The following ARID1B variants were observed in gnomAD, a reference collection of about 807,000 sequenced individuals.
ARID1B encodes AT-rich interactive domain-containing protein 1B.
In ARID1B, 30 loss-of-function variants were observed where a neutral mutation model predicts 212.3. That is an observed-to-expected ratio of 0.14 (90% CI 0.11 to 0.19). The LOEUF (loss-of-function observed/expected upper bound fraction) is 0.19, where lower values mean the gene tolerates loss of function less well. Ranked by LOEUF, ARID1B falls within the 10% of genes least tolerant of loss-of-function variation. The pLI, the probability that ARID1B is intolerant of heterozygous loss-of-function variation, is 1.00. For missense variants in ARID1B, 2,891 were observed against 3,204.0 expected (o/e 0.90, Z 2.36); for synonymous variants, 1,402 against 1,301.7 (o/e 1.08, Z -1.66).
intron 7 of ARID1B, among the ~76,000 whole-genome samples, chr6:157,141,881 C>T (rs1381511131): frequency 1.3e-5 from 2 of 152,122 alleles, no homozygotes; most frequent in Non-Finnish European, 2.9e-5. Context: ...CTTATAAACA[C>T]GTACTTACCA....
At chr6:157,143,905 C>G (rs1480993631) in intron 7 of ARID1B, among the ~76,000 whole-genome samples, 1 of 152,172 alleles carries the variant, frequency 6.6e-6, no homozygotes, top group Non-Finnish European at 1.5e-5. Context: ...GGAATCAACC[C>G]AACTGATTGG....
chr6:156,899,661 A>AG (rs1253657682), intron 2 of ARID1B, among the ~76,000 whole-genome samples: 4 of 152,170 alleles, frequency 2.6e-5, no homozygotes, highest in Non-Finnish European at 4.4e-5. Context: ...GTAGTAAAAA[A>AG]TTCTAGTCAG....
intron 6 of ARID1B, among the ~76,000 whole-genome samples, chr6:157,130,841 T>C (rs551630583): frequency 6.6e-6 from 1 of 152,358 alleles, no homozygotes; most frequent in South Asian, 2.1e-4. Flanking sequence ...CGTCTCCAGC[T>C]AGAGCCTTCA....
chr6:156,872,967 G>A (rs1159901757), intron 2 of ARID1B, among the ~76,000 whole-genome samples: 1 of 152,138 alleles, frequency 6.6e-6, no homozygotes, highest in African/African-American at 2.4e-5. Flanking sequence ...TACTCCGTGT[G>A]CTGAAGACCC....
chr6:157,163,534 G>A (rs907074353), intron 8 of ARID1B, among the ~76,000 whole-genome samples: 2 of 152,198 alleles, frequency 1.3e-5, no homozygotes, highest in African/African-American at 4.8e-5. Flanking sequence ...CTCTGCAATG[G>A]TGAAAGACTG....
chr6:156,876,713 T>A (rs1479945155), intron 2 of ARID1B, among the ~76,000 whole-genome samples: 2 of 152,208 alleles, frequency 1.3e-5, no homozygotes, highest in Non-Finnish European at 2.9e-5. Flanking sequence ...TTACCCAAGT[T>A]GAGGCTGTTG....
chr6:157,150,327 CAAT>C (rs1214088219), intron 8 of ARID1B: 1 of 152,106 alleles, frequency 6.6e-6, no homozygotes, highest in Non-Finnish European at 1.5e-5. Flanking sequence ...CTGTAGCAAT[CAAT>C]ATATAAATAC....
intron 2 of ARID1B, among the ~76,000 whole-genome samples, chr6:156,848,934 A>G (rs1219773519): frequency 6.6e-6 from 1 of 152,204 alleles, no homozygotes; most frequent in African/African-American, 2.4e-5. Context: ...AACCAAGGAG[A>G]CAACTTTGAG....
intron 8 of ARID1B, chr6:157,151,251 T>G (rs1349882028): frequency 6.6e-6 from 1 of 152,162 alleles, no homozygotes; most frequent in Non-Finnish European, 1.5e-5. Flanking sequence ...TGCAGCGCTG[T>G]TCTCATGACT....
chr6:156,925,886 A>T (rs1791180379), intron 3 of ARID1B, among the ~76,000 whole-genome samples: 1 of 152,224 alleles, frequency 6.6e-6, no homozygotes, highest in Non-Finnish European at 1.5e-5. Context: ...AGCCTGAGAT[A>T]GACAAGCAGG....
intron 13 of ARID1B, among the ~76,000 whole-genome samples, chr6:157,188,555 A>G (rs1470849364): frequency 6.6e-6 from 1 of 152,184 alleles, no homozygotes; most frequent in Non-Finnish European, 1.5e-5. Flanking sequence ...CGTCATAGGA[A>G]AGGCATTCTA....
chr6:157,044,194 G>C (rs891566229), intron 4 of ARID1B, among the ~76,000 whole-genome samples: 4 of 151,890 alleles, frequency 2.6e-5, no homozygotes, highest in African/African-American at 7.3e-5. Flanking sequence ...TTTGACCTAA[G>C]GAAATTATAA....
chr6:156,984,322 T>C (rs1228824323), intron 4 of ARID1B, among the ~76,000 whole-genome samples: 1 of 152,190 alleles, frequency 6.6e-6, no homozygotes, highest in Non-Finnish European at 1.5e-5. Context: ...TCTTCACATT[T>C]CTACCTAGAT....
chr6:156,787,184 T>C (rs1205242138), intron 1 of ARID1B, among the ~76,000 whole-genome samples: 1 of 152,200 alleles, frequency 6.6e-6, no homozygotes, highest in Non-Finnish European at 1.5e-5. Flanking sequence ...TTTCTTTTTC[T>C]CAGTTTTCTA....
At chr6:157,128,330 G>C in intron 6 of ARID1B, among the ~76,000 whole-genome samples, 1 of 152,054 alleles carries the variant, frequency 6.6e-6, no homozygotes, top group East Asian at 1.9e-4. Flanking sequence ...GTCTTCTCAC[G>C]TGTAACCTTT....
At chr6:157,107,296 C>T (rs1452218279) in intron 5 of ARID1B, among the ~76,000 whole-genome samples, 3 of 151,570 alleles carry the variant, frequency 2.0e-5, no homozygotes, top group South Asian at 2.1e-4. Context: ...AGACATGACG[C>T]GGAAAAATGG....
intron 4 of ARID1B, among the ~76,000 whole-genome samples, chr6:156,967,181 T>G (rs1459993993): frequency 6.6e-6 from 1 of 152,228 alleles, no homozygotes; most frequent in Non-Finnish European, 1.5e-5. Flanking sequence ...AGGGTCATAG[T>G]ATTCTTACTG....
At chr6:157,046,646 C>A (rs1236605660) in intron 4 of ARID1B, among the ~76,000 whole-genome samples, 1 of 152,114 alleles carries the variant, frequency 6.6e-6, no homozygotes, top group African/African-American at 2.4e-5. Context: ...CTAAGATATT[C>A]TTGTTGTCTT....
chr6:157,050,647 G>C (rs973553825), intron 4 of ARID1B, among the ~76,000 whole-genome samples: 1 of 152,102 alleles, frequency 6.6e-6, no homozygotes, highest in Non-Finnish European at 1.5e-5. Flanking sequence ...CACTTAGAGG[G>C]CTTCAATTTT....
Sources: gnomAD v4.1 joint callset for allele counts (sites outside exome capture counted in the v4.1 genomes callset) on GRCh38, gnomAD v4.1.1 for gene constraint, MANE v1.5 for transcripts, NCBI Gene and HGNC (gene_info 2026-07-23, HGNC 2026-07-21) for gene names.